The following ESYT2 variants were observed in gnomAD, a reference collection of about 807,000 sequenced individuals.
The protein encoded by ESYT2 is extended synaptotagmin-2.
ESYT2 carries 54 observed loss-of-function variants against 107.2 expected under a neutral mutation model. The observed-to-expected ratio is 0.50, with a 90% CI of 0.40 to 0.63. The LOEUF (loss-of-function observed/expected upper bound fraction) is 0.63. Among genes scored for constraint, ESYT2 ranks in the 30% least tolerant of loss-of-function variants. The probability of loss-of-function intolerance (pLI) is 0.00; values close to 1 mark genes in which losing one functional copy is unlikely to be tolerated. For missense variants in ESYT2, 1,020 were observed against 1,094.5 expected (o/e 0.93, Z 0.96); for synonymous variants, 491 against 434.1 (o/e 1.13, Z -1.63).
chr7:158,782,505 GAAC>G (rs1282676177), intron 6 of ESYT2, among the ~76,000 whole-genome samples: 2 of 119,334 alleles, frequency 1.7e-5, no homozygotes, highest in African/African-American at 3.0e-5. Flanking sequence ...AAACAAGTGA[GAAC>G]AAGTGTGAGT....
intron 13 of ESYT2, among the ~76,000 whole-genome samples, 153 bp downstream of exon 13, chr7:158,759,333 C>T (rs1463787167): frequency 6.6e-6 from 1 of 152,208 alleles, no homozygotes; most frequent in Non-Finnish European, 1.5e-5. Context: ...CTAACTTCTC[C>T]CTCTCCACTG....
chr7:158,828,480 C>A (rs1472794756), intron 1 of ESYT2, among the ~76,000 whole-genome samples: 2 of 152,206 alleles, frequency 1.3e-5, no homozygotes, highest in African/African-American at 4.8e-5. Context: ...GGCGCCAAGC[C>A]CGGTACCTGC....
At chr7:158,765,199 G>C (rs1389971100) in intron 8 of ESYT2, among the ~76,000 whole-genome samples, 5 of 152,038 alleles carry the variant, frequency 3.3e-5, no homozygotes, top group Non-Finnish European at 5.9e-5. Context: ...GAATGCAGAG[G>C]ACCCAGCACA....
chr7:158,791,593 T>C (rs1440147967), intron 4 of ESYT2, among the ~76,000 whole-genome samples: 2 of 152,260 alleles, frequency 1.3e-5, no homozygotes, highest in African/African-American at 4.8e-5. Flanking sequence ...TTTTCTGGGT[T>C]TCTTTTGACA....
intron 16 of ESYT2, among the ~76,000 whole-genome samples, chr7:158,745,528 C>T (rs1204410175): frequency 1.3e-5 from 2 of 152,194 alleles, no homozygotes; most frequent in African/African-American, 4.8e-5. Flanking sequence ...GAGACACTCG[C>T]CAACACCAGA....
At chr7:158,822,951 G>A (rs1840327652) in intron 1 of ESYT2, among the ~76,000 whole-genome samples, 1 of 152,004 alleles carries the variant, frequency 6.6e-6, no homozygotes. Flanking sequence ...CGTAAGCAAA[G>A]GTGTACCTCA....
At chr7:158,809,287 C>G (rs1839923569) in intron 1 of ESYT2, among the ~76,000 whole-genome samples, 3 of 151,720 alleles carry the variant, frequency 2.0e-5, no homozygotes, top group South Asian at 4.2e-4. Context: ...ACCATCCTGG[C>G]CAACATGGTG....
At chr7:158,743,496 C>G in intron 17 of ESYT2, 33 bp downstream of exon 17, 1 of 1,585,272 alleles carries the variant, frequency 6.3e-7, no homozygotes, top group Non-Finnish European at 8.5e-7. Context: ...CCTCCCCATC[C>G]CCTATGGTGT....
In ESYT2 at chr7:158,735,538, C is replaced by A. The variant is rs140102771; in HGVS notation, c.2470G>T (p.Gly824Cys). ...AGCCCTTTGTCTTTGGACAGGAAGCCGCCACTGTTCTTCACGGCAACGTCG... is the reference window on the plus strand; with the variant it reads ...AGCCCTTTGTCTTTGGACAGGAAGCAGCCACTGTTCTTCACGGCAACGTCG... ...TLDVAVKNSG[G>C]FLSKDKGLLG... Residue 824 changes from glycine to cysteine, a missense_variant, in exon 21 of 23, where the codon GGC (glycine) becomes TGC (cysteine). Transcript: ENST00000275418. 6 of 1,614,128 alleles carry A rather than the reference C, an allele frequency of 3.7e-6. No individual in the cohort carries two copies. The highest frequency in any genetic ancestry group is 5.1e-6 in the Non-Finnish European group (6 of 1,179,996).
chr7:158,775,893 G>A (rs999372329), intron 6 of ESYT2, among the ~76,000 whole-genome samples: 11 of 152,114 alleles, frequency 7.2e-5, no homozygotes, highest in South Asian at 2.1e-4. Flanking sequence ...GGCAGCTATC[G>A]TCTTACAAAA....
chr7:158,828,515 C>T (rs1436502337), intron 1 of ESYT2, among the ~76,000 whole-genome samples: 1 of 152,156 alleles, frequency 6.6e-6, no homozygotes, highest in African/African-American at 2.4e-5. Context: ...GTCTGCAGGC[C>T]GGGGGAGGGA....
At chr7:158,764,498 GTT>G (rs1466842408) in intron 9 of ESYT2, among the ~76,000 whole-genome samples, 177 bp downstream of exon 9, 5 of 152,230 alleles carry the variant, frequency 3.3e-5, no homozygotes, top group Admixed American at 2.6e-4. Context: ...TGACAAGAAT[GTT>G]GTGTAGTAAG....
chr7:158,803,828 C>T (rs375507602), intron 1 of ESYT2, among the ~76,000 whole-genome samples: 60 of 120,992 alleles, frequency 5.0e-4, no homozygotes, highest in Middle Eastern at 5.4e-3. Flanking sequence ...GTGAGGCGCG[C>T]GACAAACCCA....
At position 158,807,588 on chromosome 7, in the gene ESYT2, G is replaced by A. The variant is rs182238829; in HGVS notation, c.331-8516C>T. Among the ~76,000 whole-genome samples the A allele has an allele frequency of 1.3e-4, 20 of 152,150 alleles. No homozygotes were observed. In the East Asian group the frequency reaches 2.9e-3, roughly 22 times the overall value. On this transcript the variant is annotated intron_variant, in intron 1 of 22. Coordinates refer to ENST00000275418, the MANE Select transcript of ESYT2 (RefSeq NM_001367773.1). ...TGTTCATTACCTTCACTGGATGTTCGATACCAAGGTTCCAGAACATCTTTC... is the reference window on the plus strand; with the variant it reads ...TGTTCATTACCTTCACTGGATGTTCAATACCAAGGTTCCAGAACATCTTTC...
chr7:158,773,310 C>T (rs1262462290), intron 7 of ESYT2, 31 bp downstream of exon 7: 2 of 1,613,504 alleles, frequency 1.2e-6, no homozygotes, highest in African/African-American at 2.7e-5. Context: ...CCCTCGAACG[C>T]TAAGCCTCCG....
chr7:158,738,387 C>T (rs1406001737), intron 19 of ESYT2, among the ~76,000 whole-genome samples: 1 of 148,614 alleles, frequency 6.7e-6, no homozygotes, highest in African/African-American at 2.5e-5. Context: ...ACTCTTCCTG[C>T]TCTAGGCTAC....
In ESYT2 at chr7:158,781,685, GAAC is replaced by G. The variant is rs1584840371; in HGVS notation, c.747+6316_747+6318del. On this transcript the variant is annotated intron_variant, in intron 6 of 22. Transcript: ENST00000275418. ...AGAACAAGTGTGAGTGAACGACTGA[GAAC>G]AAAGTGTCAGAGGTGGGAGTGTAAG... Among the ~76,000 whole-genome samples the G allele has an allele frequency of 3.3e-5, 5 of 151,768 alleles. No individual in the cohort carries two copies. The East Asian group carries it at 5.9e-4, about 18-fold the overall frequency.
At chr7:158,797,426 C>T (rs1839496972) in intron 3 of ESYT2, among the ~76,000 whole-genome samples, 3 of 151,986 alleles carry the variant, frequency 2.0e-5, no homozygotes, top group Admixed American at 1.3e-4. Flanking sequence ...GCCACTGCTT[C>T]CAGCTGAAGT....
intron 7 of ESYT2, among the ~76,000 whole-genome samples, chr7:158,772,916 AG>A (rs1838425748): frequency 6.6e-6 from 1 of 151,736 alleles, no homozygotes; most frequent in Admixed American, 6.6e-5. Context: ...AAAGGCAGAA[AG>A]GGTGGGGTAG....
Sources: gnomAD v4.1 joint callset for allele counts (sites outside exome capture counted in the v4.1 genomes callset) on GRCh38, gnomAD v4.1.1 for gene constraint, MANE v1.5 for transcripts, NCBI Gene and HGNC (gene_info 2026-07-23, HGNC 2026-07-21) for gene names.